Variants in PDE1C observed in about 807,000 individuals in gnomAD.
The protein encoded by PDE1C is phosphodiesterase 1C, also known as dual specificity calcium/calmodulin-dependent 3',5'-cyclic nucleotide phosphodiesterase 1C.
A neutral mutation model predicts 93.1 loss-of-function variants in PDE1C; 62 were observed. That is an observed-to-expected ratio of 0.67 (90% CI 0.54 to 0.82). The LOEUF is 0.82. Among genes scored for constraint, PDE1C ranks in the 40% least tolerant of loss-of-function variants. PDE1C has a pLI of 0.00. For missense variants in PDE1C, 742 were observed against 884.6 expected (o/e 0.84, Z 2.04); for synonymous variants, 325 against 310.1 (o/e 1.05, Z -0.50).
At chr7:31,963,526 T>C (rs1809385188) in intron 2 of PDE1C, among the ~76,000 whole-genome samples, 1 of 152,218 alleles carries the variant, frequency 6.6e-6, no homozygotes, top group Non-Finnish European at 1.5e-5. Flanking sequence ...ACTATATTTG[T>C]GATGCAATTA....
Position 32,376,290 on chromosome 7 carries a change from T to G in PDE1C, c.310+51532A>C, listed in dbSNP as rs542281288. Reference sequence around the variant, plus strand: ...AAGATCTTTGTGATTTTATCTGCAGTCCAGCTTTGAAATCATGTGATTCCT... The same window carrying G: ...AAGATCTTTGTGATTTTATCTGCAGGCCAGCTTTGAAATCATGTGATTCCT... On this transcript the variant is annotated intron_variant, in intron 1 of 1. Coordinates refer to the PDE1C transcript ENST00000672256. Among the ~76,000 whole-genome samples, 4 of 152,374 alleles carry G rather than the reference T, an allele frequency of 2.6e-5. No homozygotes were observed. The East Asian group carries it at 7.7e-4, about 29-fold the overall frequency.
chr7:31,902,137 A>C (rs1249425176), intron 2 of PDE1C, among the ~76,000 whole-genome samples: 1 of 151,686 alleles, frequency 6.6e-6, no homozygotes, highest in Non-Finnish European at 1.5e-5. Context: ...ATAACAACTT[A>C]TAATTGTAAA....
chr7:32,310,145 A>C (rs1782975814), intron 1 of PDE1C, among the ~76,000 whole-genome samples: 1 of 152,014 alleles, frequency 6.6e-6, no homozygotes, highest in African/African-American at 2.4e-5. Context: ...AGATCAAAAG[A>C]GACAAAGAAG....
intron 7 of PDE1C, among the ~76,000 whole-genome samples, chr7:31,859,568 G>T (rs1315917761): frequency 2.0e-5 from 3 of 151,616 alleles, no homozygotes; most frequent in Non-Finnish European, 4.4e-5. Flanking sequence ...CTAAGTAATG[G>T]TCTCATAGAG....
rs188351716 is a variant in PDE1C, at chr7:31,771,947, G to A, written c.1960+3717C>T. ...TGTAGTCCCAGCTACTCAGGAGGCT[G>A]AGGCAGCAGAATGGCGTGAACCTGG... On this transcript the variant is annotated intron_variant, in intron 17 of 17. Coordinates refer to ENST00000396191, the MANE Select transcript of PDE1C (RefSeq NM_001191057.4). Among the ~76,000 whole-genome samples, 1,479 of 151,760 alleles carry A rather than the reference G, an allele frequency of 9.7e-3. 15 individuals carry two copies. Among genetic ancestry groups the A allele is most frequent in the African/African-American group, 0.033 (1,357 of 41,308 alleles).
chr7:31,790,175 G>T, intron 16 of PDE1C: 1 of 1,603,766 alleles, frequency 6.2e-7, no homozygotes, highest in Non-Finnish European at 8.5e-7. Context: ...AGGAGAAGAA[G>T]GAGAATGAAG....
rs1784242329 is a variant in PDE1C at position 32,367,051 on chromosome 7, A to C, written c.310+60771T>G. On this transcript the variant is annotated intron_variant, in intron 1 of 1. Coordinates refer to the PDE1C transcript ENST00000672256. Reference sequence around the variant, plus strand: ...CAAAAAAAAAGAAAAGAAAAAGAGAAGTCTGCCAGTCAAGAATATCATGCC... The same window carrying C: ...CAAAAAAAAAGAAAAGAAAAAGAGACGTCTGCCAGTCAAGAATATCATGCC... 2.0e-5 allele frequency among the ~76,000 whole-genome samples: 3 copies of C among 152,192 alleles called. No individual in the cohort carries two copies. The South Asian group carries it at 6.2e-4, about 32-fold the overall frequency.
chr7:32,145,210 A>C (rs549834452), intron 3 of PDE1C, among the ~76,000 whole-genome samples: 8 of 152,232 alleles, frequency 5.3e-5, no homozygotes, highest in Non-Finnish European at 1.2e-4. Context: ...TTGGGAGGCT[A>C]TCATGGTAGG....
At chr7:31,744,955 A>G in the PDE1C span, among the ~76,000 whole-genome samples, 2 of 152,278 alleles carry the variant, frequency 1.3e-5, no homozygotes, top group South Asian at 2.1e-4. Flanking sequence ...AAAATATAGC[A>G]GAGATATGTG....
intron 2 of PDE1C, among the ~76,000 whole-genome samples, chr7:32,026,334 C>T (rs761075527): frequency 2.6e-4 from 39 of 152,126 alleles, no homozygotes; most frequent in Admixed American, 5.9e-4. Context: ...CTCTGGTCTG[C>T]CATCTTCTCT....
At chr7:31,874,774 G>T (rs1189648713) in intron 5 of PDE1C, among the ~76,000 whole-genome samples, 2 of 152,222 alleles carry the variant, frequency 1.3e-5, no homozygotes, top group East Asian at 1.9e-4. Flanking sequence ...ATAGTGACAG[G>T]CACATTTCTG....
At chr7:31,855,857 T>C (rs891283097) in intron 7 of PDE1C, among the ~76,000 whole-genome samples, 3 of 138,970 alleles carry the variant, frequency 2.2e-5, no homozygotes, top group Non-Finnish European at 4.6e-5. Flanking sequence ...GCAAGGAAAA[T>C]GGCCAAGGGA....
chr7:31,754,565 A>T (rs919102576), intron 17 of PDE1C, among the ~76,000 whole-genome samples: 1 of 152,224 alleles, frequency 6.6e-6, no homozygotes. Context: ...GATAAAAAGC[A>T]AATTAACTAT....
intron 13 of PDE1C, among the ~76,000 whole-genome samples, chr7:31,823,886 G>A (rs1192956958): frequency 3.3e-5 from 5 of 152,126 alleles, no homozygotes; most frequent in African/African-American, 1.2e-4. Flanking sequence ...CTGCTACCAA[G>A]TGGTTAAAGA....
At chr7:31,903,476 A>C (rs538889915) in intron 2 of PDE1C, among the ~76,000 whole-genome samples, 2 of 152,156 alleles carry the variant, frequency 1.3e-5, no homozygotes, top group South Asian at 4.1e-4. Context: ...AAAAATTCTA[A>C]AGAACCAACT....
chr7:32,080,767 TACTC>T (rs941370883), intron 3 of PDE1C, among the ~76,000 whole-genome samples: 1 of 152,212 alleles, frequency 6.6e-6, no homozygotes, highest in Non-Finnish European at 1.5e-5. Flanking sequence ...AGGATTTTAA[TACTC>T]AGGAGAATAA....
intron 3 of PDE1C, among the ~76,000 whole-genome samples, chr7:32,109,657 T>A (rs551260391): frequency 6.6e-6 from 1 of 152,186 alleles, no homozygotes; most frequent in Non-Finnish European, 1.5e-5. Context: ...CTGGTCTAAA[T>A]GAAGAAGTCT....
At chr7:31,777,617 G>A (rs192413346) in intron 16 of PDE1C, among the ~76,000 whole-genome samples, 11 of 152,088 alleles carry the variant, frequency 7.2e-5, no homozygotes, top group South Asian at 4.2e-4. Flanking sequence ...ATGAGCCACC[G>A]CACCCAGCCC....
At chr7:31,655,764 C>G in the PDE1C span, 1 of 985,718 alleles carries the variant, frequency 1.0e-6, no homozygotes, top group Non-Finnish European at 1.2e-6. Flanking sequence ...AACTCCTAAG[C>G]TTTTTACTCT....
Sources: gnomAD v4.1 joint callset for allele counts (sites outside exome capture counted in the v4.1 genomes callset) on GRCh38, gnomAD v4.1.1 for gene constraint, MANE v1.5 for transcripts, NCBI Gene and HGNC (gene_info 2026-07-23, HGNC 2026-07-21) for gene names.